The following KLF12 variants were observed in gnomAD, a reference collection of about 807,000 sequenced individuals.
KLF12 encodes the protein Krueppel-like factor 12.
A neutral mutation model predicts 37.8 loss-of-function variants in KLF12; 9 were observed. That is an observed-to-expected ratio of 0.24 (90% CI 0.14 to 0.42). The LOEUF is 0.42. KLF12 is among the 10% of genes least tolerant of loss of function. The probability of loss-of-function intolerance (pLI) is 1.00; values close to 1 mark genes in which losing one functional copy is unlikely to be tolerated. For synonymous variants in KLF12, 208 were observed against 202.1 expected, an observed-to-expected ratio of 1.03 and a Z score of -0.25; for missense variants, 411 against 516.0, an observed-to-expected ratio of 0.80 and a Z score of 1.97.
chr13:73,744,402 G>C (rs968495154), intron 6 of KLF12, among the ~76,000 whole-genome samples: 1 of 152,160 alleles, frequency 6.6e-6, no homozygotes, highest in African/African-American at 2.4e-5. Flanking sequence ...ATGGATGAAA[G>C]GGCGTTTTGA....
At chr13:74,079,114 C>G (rs1159314051) in intron 1 of KLF12, among the ~76,000 whole-genome samples, 1 of 152,060 alleles carries the variant, frequency 6.6e-6, no homozygotes, top group East Asian at 1.9e-4. Flanking sequence ...AAGGTATTTT[C>G]AAACTTCTTT....
chr13:74,304,404 C>T, the KLF12 span, among the ~76,000 whole-genome samples: 1 of 152,048 alleles, frequency 6.6e-6, no homozygotes. Context: ...ATGTAGAAAG[C>T]AAAGCATAGG....
At chr13:74,292,440 G>A in the KLF12 span, among the ~76,000 whole-genome samples, 1 of 139,748 alleles carries the variant, frequency 7.2e-6, no homozygotes, top group African/African-American at 3.1e-5. Flanking sequence ...GTAAATGAAA[G>A]GGTTTCTTTT....
intron 3 of KLF12, among the ~76,000 whole-genome samples, chr13:73,919,910 A>G (rs1889033051): frequency 6.6e-6 from 1 of 152,096 alleles, no homozygotes; most frequent in Non-Finnish European, 1.5e-5. Context: ...TTATTTCTTT[A>G]TTATAAATTT....
chr13:74,227,204 T>G, the KLF12 span, among the ~76,000 whole-genome samples: 12 of 152,168 alleles, frequency 7.9e-5, no homozygotes, highest in African/African-American at 2.9e-4. Context: ...ACCCAGAATA[T>G]TCTTCCTATC....
At chr13:73,975,763 C>G (rs1025070959) in intron 2 of KLF12, among the ~76,000 whole-genome samples, 2 of 152,200 alleles carry the variant, frequency 1.3e-5, no homozygotes, top group Non-Finnish European at 2.9e-5. Context: ...CGTACCTCCT[C>G]CTGGCCTATG....
chr13:73,831,028 A>ACACG (rs34914331), intron 4 of KLF12, among the ~76,000 whole-genome samples: 3,097 of 148,140 alleles, frequency 0.021, 46 homozygotes, highest in East Asian at 0.069. Context: ...ACACACACGC[A>ACACG]TACTTATTTT....
At chr13:74,078,952 C>T (rs1874722256) in intron 1 of KLF12, among the ~76,000 whole-genome samples, 1 of 152,094 alleles carries the variant, frequency 6.6e-6, no homozygotes, top group South Asian at 2.1e-4. Flanking sequence ...AACTATTAGA[C>T]AATGCCAAAT....
At chr13:73,771,180 A>G (rs1172692328) in intron 5 of KLF12, among the ~76,000 whole-genome samples, 2 of 152,140 alleles carry the variant, frequency 1.3e-5, no homozygotes, top group African/African-American at 4.8e-5. Flanking sequence ...GGTACTTAGC[A>G]TGGGTTAACT....
the KLF12 span, among the ~76,000 whole-genome samples, chr13:74,158,266 G>T: frequency 6.6e-6 from 1 of 152,192 alleles, no homozygotes; most frequent in East Asian, 1.9e-4. Flanking sequence ...AGGATGTTTG[G>T]CTGGATTCCT....
intron 1 of KLF12, among the ~76,000 whole-genome samples, chr13:74,057,407 T>A (rs1474870276): frequency 1.3e-5 from 2 of 152,124 alleles, no homozygotes; most frequent in African/African-American, 4.8e-5. Flanking sequence ...CTAATCTCAC[T>A]GGGCTCCCAA....
At chr13:74,198,567 A>G in the KLF12 span, among the ~76,000 whole-genome samples, 1 of 152,306 alleles carries the variant, frequency 6.6e-6, no homozygotes, top group Non-Finnish European at 1.5e-5. Context: ...TTCATAGACT[A>G]GTCTTATGCC....
intron 5 of KLF12, among the ~76,000 whole-genome samples, chr13:73,791,694 T>C (rs1881697833): frequency 2.0e-5 from 3 of 152,206 alleles, no homozygotes; most frequent in South Asian, 2.1e-4. Flanking sequence ...ACTTTTTCAA[T>C]TACATTACAG....
the KLF12 span, among the ~76,000 whole-genome samples, chr13:74,233,667 A>T: frequency 6.6e-6 from 1 of 152,236 alleles, no homozygotes; most frequent in Non-Finnish European, 1.5e-5. Flanking sequence ...TGAATGAAAT[A>T]ATTTTAATCT....
At chr13:74,263,953 CT>C in the KLF12 span, among the ~76,000 whole-genome samples, 1 of 151,952 alleles carries the variant, frequency 6.6e-6, no homozygotes, top group Non-Finnish European at 1.5e-5. Context: ...CAGCCACAAT[CT>C]TGACTAATAT....
chr13:73,987,242 AAG>A (rs1458529435), intron 2 of KLF12, among the ~76,000 whole-genome samples: 6 of 152,160 alleles, frequency 3.9e-5, no homozygotes, highest in African/African-American at 1.4e-4. Context: ...TAGAAAAAGT[AAG>A]AAATTCTCAC....
intron 5 of KLF12, among the ~76,000 whole-genome samples, chr13:73,797,886 T>A (rs1042646064): frequency 6.6e-6 from 1 of 150,904 alleles, no homozygotes; most frequent in African/African-American, 2.4e-5. Flanking sequence ...CCAGAGTCAA[T>A]CACATCTGAA....
rs370110604 is a variant in KLF12 at position 74,092,015 on chromosome 13, C to T, written c.-32+41724G>A. Among the ~76,000 whole-genome samples the T allele has an allele frequency of 2.0e-4, 30 of 149,620 alleles. 1 individual carries two copies. Among genetic ancestry groups the T allele is most frequent in the Non-Finnish European group, 3.3e-4 (22 of 67,598 alleles). On this transcript the variant is annotated intron_variant, in intron 1 of 7. Coordinates refer to ENST00000377669, the MANE Select transcript of KLF12 (RefSeq NM_007249.5). ...ACCTTTAAAAAAAAAAAAACCCAGACGTGGTGGCTCACACCTGTAATCCCA... is the reference window on the plus strand; with the variant it reads ...ACCTTTAAAAAAAAAAAAACCCAGATGTGGTGGCTCACACCTGTAATCCCA...
the KLF12 span, among the ~76,000 whole-genome samples, chr13:74,158,679 G>A: frequency 5.9e-5 from 9 of 152,118 alleles, no homozygotes; most frequent in African/African-American, 2.2e-4. Flanking sequence ...AAGGCCATAT[G>A]TAGATATAGA....
Sources: gnomAD v4.1 joint callset for allele counts (sites outside exome capture counted in the v4.1 genomes callset) on GRCh38, gnomAD v4.1.1 for gene constraint, MANE v1.5 for transcripts, NCBI Gene and HGNC (gene_info 2026-07-23, HGNC 2026-07-21) for gene names.